Variants in MCPH1 observed in about 807,000 individuals in gnomAD.
MCPH1 encodes microcephalin.
A neutral mutation model predicts 84.5 loss-of-function variants in MCPH1; 104 were observed. The ratio of observed to expected loss-of-function variants is 1.23; its 90% confidence interval spans 1.05 to 1.45. The LOEUF is 1.45. Among genes scored for constraint, MCPH1 ranks in the 40% most tolerant of loss-of-function variants. The pLI is 0.00. For synonymous variants in MCPH1, 514 were observed against 366.8 expected (o/e 1.40, Z -4.58); for missense variants, 1,498 against 1,005.7 (o/e 1.49, Z -6.62).
chr8:6,483,337 A>G (rs143883441), intron 11 of MCPH1, among the ~76,000 whole-genome samples: 240 of 152,300 alleles, frequency 1.6e-3, no homozygotes, highest in African/African-American at 5.5e-3. Flanking sequence ...TAAAATTTCT[A>G]TGGAGATATT....
chr8:6,583,281 T>C (rs1361717567), intron 12 of MCPH1, among the ~76,000 whole-genome samples: 1 of 152,170 alleles, frequency 6.6e-6, no homozygotes, highest in Non-Finnish European at 1.5e-5. Context: ...ACGAGATACA[T>C]GTGCAGAACG....
At chr8:6,609,554 G>A (rs1830070662) in intron 12 of MCPH1, among the ~76,000 whole-genome samples, 1 of 152,202 alleles carries the variant, frequency 6.6e-6, no homozygotes, top group Admixed American at 6.5e-5. Flanking sequence ...GCGAAAGTCA[G>A]GGGGAAAAAA....
At position 6,633,887 on chromosome 8, in the gene MCPH1, A is replaced by T. The variant is rs113614508; in HGVS notation, c.2453-9107A>T. Among the ~76,000 whole-genome samples the T allele has an allele frequency of 6.3e-3, 955 of 152,324 alleles. 9 individuals carry two copies. The highest frequency in any genetic ancestry group is 0.022 in the African/African-American group (912 of 41,566). The stretch of plus-strand genomic sequence containing the variant: ...TCCCCCTATGTGTAACAGTGATCAG[A>T]AAAAGAGGAATAATTTATGTTTATC... On this transcript the variant is annotated intron_variant, in intron 13 of 13. Coordinates refer to ENST00000344683, the MANE Select transcript of MCPH1 (RefSeq NM_024596.5).
chr8:6,409,164 G>A, intron 1 of MCPH1, 115 bp from the exon 2 acceptor site: 1 of 856,826 alleles, frequency 1.2e-6, no homozygotes, highest in Admixed American at 1.9e-5. Context: ...GGGATTACAG[G>A]CGTGAGCCAC....
At chr8:6,419,468 C>T (rs1189008757) in intron 3 of MCPH1, among the ~76,000 whole-genome samples, 2 of 151,888 alleles carry the variant, frequency 1.3e-5, no homozygotes, top group East Asian at 3.9e-4. Flanking sequence ...TCTCGGCTCA[C>T]TGTAAGCTCT....
chr8:6,498,561 C>T (rs886617134), intron 11 of MCPH1, among the ~76,000 whole-genome samples: 3 of 152,134 alleles, frequency 2.0e-5, no homozygotes, highest in African/African-American at 7.2e-5. Context: ...TAAATTTTCT[C>T]CATGAGATTG....
chr8:6,622,552 A>G (rs1339766712), intron 13 of MCPH1, among the ~76,000 whole-genome samples: 2 of 152,196 alleles, frequency 1.3e-5, no homozygotes, highest in South Asian at 4.1e-4. Flanking sequence ...TAAACATGTT[A>G]GTTTGCTTGG....
At chr8:6,562,767 G>T in intron 12 of MCPH1, 1 of 1,613,916 alleles carries the variant, frequency 6.2e-7, no homozygotes, top group Non-Finnish European at 8.5e-7. Context: ...AGGGGCTGGA[G>T]GAAGAGCGGC....
At chr8:6,440,428 G>T (rs941724961) in intron 6 of MCPH1, among the ~76,000 whole-genome samples, 2 of 152,180 alleles carry the variant, frequency 1.3e-5, no homozygotes, top group East Asian at 1.9e-4. Flanking sequence ...GAGTCTCCCT[G>T]TGTTGCGCAG....
At chr8:6,583,562 G>T (rs1044431404) in intron 12 of MCPH1, among the ~76,000 whole-genome samples, 3 of 152,208 alleles carry the variant, frequency 2.0e-5, no homozygotes, top group African/African-American at 7.2e-5. Flanking sequence ...AGCGAGGGTG[G>T]TGAACACAGG....
rs909227647 is a variant in MCPH1, at chr8:6,625,276, G to C, written c.2452+3585G>C. The C allele has an allele frequency of 1.1e-5, 11 of 985,276 alleles. No homozygotes were observed. The African/African-American group carries it at 1.6e-4, about 14-fold the overall frequency. 61.0% of individuals were successfully genotyped at this position (985,276 alleles called of 1,614,324 possible). A position where few individuals can be genotyped will look rare whatever the true frequency, so the allele number is the denominator to read the frequency against. Reference sequence around the variant, plus strand: ...CATGCTGGTTAAAGGAGGAAACACAGAGAGCGCAAATGCCCTGTGGCAGGC... The same window carrying C: ...CATGCTGGTTAAAGGAGGAAACACACAGAGCGCAAATGCCCTGTGGCAGGC... On this transcript the variant is annotated intron_variant, in intron 13 of 13. Transcript: ENST00000344683.
intron 4 of MCPH1, among the ~76,000 whole-genome samples, chr8:6,432,072 C>G (rs1007580962): frequency 6.6e-6 from 1 of 152,218 alleles, no homozygotes. Flanking sequence ...CACTGATGCT[C>G]AAGTCCCTTA....
chr8:6,552,368 G>A (rs771636210), intron 12 of MCPH1, among the ~76,000 whole-genome samples: 20 of 152,110 alleles, frequency 1.3e-4, no homozygotes, highest in Non-Finnish European at 2.4e-4. Flanking sequence ...TTCCACAGAG[G>A]CACTCATGCA....
At chr8:6,586,953 C>T (rs1169405648) in intron 12 of MCPH1, among the ~76,000 whole-genome samples, 1 of 152,158 alleles carries the variant, frequency 6.6e-6, no homozygotes, top group African/African-American at 2.4e-5. Context: ...AGAGTGCAGG[C>T]TGTGGGAGCC....
chr8:6,513,435 C>T (rs534132339), intron 12 of MCPH1, among the ~76,000 whole-genome samples: 2 of 151,708 alleles, frequency 1.3e-5, no homozygotes, highest in East Asian at 3.9e-4. Context: ...CGGGTTCACG[C>T]CATTCTTCTG....
rs751138306 is a variant in MCPH1, at chr8:6,480,793, C to T, written c.2053C>T (p.His685Tyr). 1 of 1,614,188 alleles carries T rather than the reference C, an allele frequency of 6.2e-7. No individual in the cohort carries two copies. Among genetic ancestry groups the T allele is most frequent in the East Asian group, 2.2e-5 (1 of 44,874 alleles). The change falls in exon 11 of 14, where the codon CAC (histidine) becomes TAC (tyrosine). Residue 685 changes from histidine to tyrosine, a missense_variant. Coordinates refer to ENST00000344683, the MANE Select transcript of MCPH1 (RefSeq NM_024596.5). ...ACCAGACGTCTGTGAGACCACGACT[C>T]ACGTGCTTTCCGGGAAGCCACTTCG... The part of the protein sequence containing the change: ...IAPDVCETTT[H>Y]VLSGKPLRTL...
chr8:6,543,128 C>T (rs768894970), intron 12 of MCPH1, among the ~76,000 whole-genome samples: 2 of 152,086 alleles, frequency 1.3e-5, no homozygotes, highest in Non-Finnish European at 2.9e-5. Context: ...AGACTTTCTG[C>T]TTCTTTATCT....
rs1802593507 is a variant in MCPH1 at position 6,436,048 on chromosome 8, C to T, written c.322C>T (p.Arg108Cys). ...TAATTTTTGTGTTCTTTTTGCACAG[C>T]GTAAATGTATGCAGCCCAAAGATTT... ...EHLSSLIKKK[R>C]KCMQPKDFNF... The change falls in exon 5 of 14, where the codon CGT becomes TGT. Residue 108 changes from arginine to cysteine, a missense_variant and splice_region_variant. Transcript: ENST00000344683. 17 of 1,612,950 alleles carry T rather than the reference C, an allele frequency of 1.1e-5. No individual in the cohort carries two copies. The highest frequency in any genetic ancestry group is 4.5e-5 in the East Asian group (2 of 44,792).
chr8:6,645,493 C>A lies in MCPH1; in HGVS notation c.*2444C>A, dbSNP rs2433154. ...GTTATTCAACGTTGCATTAAAGTTT[C>A]TACCCAGAGAAGGCAATAAAAGGAA... On this transcript the variant is annotated 3_prime_UTR_variant, in exon 14 of 14. Coordinates refer to ENST00000344683, the MANE Select transcript of MCPH1 (RefSeq NM_024596.5). 1 of 150,908 alleles carries A rather than the reference C, an allele frequency of 6.6e-6. No individual in the cohort carries two copies. The highest frequency in any genetic ancestry group is 1.5e-5 in the Non-Finnish European group (1 of 67,954). 9.3% of individuals were successfully genotyped at this position (150,908 alleles called of 1,614,324 possible).
Sources: gnomAD v4.1 joint callset for allele counts (sites outside exome capture counted in the v4.1 genomes callset) on GRCh38, gnomAD v4.1.1 for gene constraint, MANE v1.5 for transcripts, NCBI Gene and HGNC (gene_info 2026-07-23, HGNC 2026-07-21) for gene names.